Variants in MAML2 observed in about 807,000 individuals in gnomAD.
MAML2 encodes the protein mastermind like transcriptional coactivator 2.
In MAML2, 22 loss-of-function variants were observed where a neutral mutation model predicts 96.1. That is an observed-to-expected ratio of 0.23 (90% CI 0.16 to 0.33). The LOEUF (loss-of-function observed/expected upper bound fraction) is 0.33, where lower values mean the gene tolerates loss of function less well. MAML2 is among the 10% of genes least tolerant of loss of function. The pLI is 1.00. For missense variants in MAML2, 1,367 were observed against 1,392.4 expected, an observed-to-expected ratio of 0.98 and a Z score of 0.29; for synonymous variants, 561 against 521.3, an observed-to-expected ratio of 1.08 and a Z score of -1.04.
intron 1 of MAML2, among the ~76,000 whole-genome samples, chr11:96,136,524 T>C (rs982375383): frequency 6.6e-6 from 1 of 152,172 alleles, no homozygotes; most frequent in Non-Finnish European, 1.5e-5. Context: ...ACATAGTTAC[T>C]TAGAGCCTTA....
At chr11:96,111,277 C>G (rs1860119518) in intron 1 of MAML2, among the ~76,000 whole-genome samples, 1 of 151,998 alleles carries the variant, frequency 6.6e-6, no homozygotes, top group Non-Finnish European at 1.5e-5. Context: ...TGCTTTTTTC[C>G]TCCTTTTTAT....
intron 1 of MAML2, among the ~76,000 whole-genome samples, chr11:96,313,430 T>C (rs1863575392): frequency 6.6e-6 from 1 of 152,096 alleles, no homozygotes; most frequent in African/African-American, 2.4e-5. Flanking sequence ...CCTCATTGCA[T>C]TTCCCTTTTT....
chr11:96,228,972 C>CAA (rs10672512), intron 1 of MAML2, among the ~76,000 whole-genome samples: 30,102 of 148,822 alleles, frequency 0.2, 3,071 homozygotes, highest in East Asian at 0.26. Flanking sequence ...TCTAGTTGAA[C>CAA]AAAAAAAAAA....
At chr11:96,163,122 C>T (rs1350183546) in intron 1 of MAML2, among the ~76,000 whole-genome samples, 2 of 152,162 alleles carry the variant, frequency 1.3e-5, no homozygotes, top group Middle Eastern at 3.2e-3. Flanking sequence ...ACACTATAAA[C>T]GTTCCGTAGT....
At chr11:96,221,288 C>T (rs994731058) in intron 1 of MAML2, among the ~76,000 whole-genome samples, 1 of 152,102 alleles carries the variant, frequency 6.6e-6, no homozygotes, top group African/African-American at 2.4e-5. Context: ...CCCAAGTTTC[C>T]ACCTATTCAC....
intron 1 of MAML2, among the ~76,000 whole-genome samples, chr11:96,270,530 C>T (rs1472824410): frequency 2.0e-5 from 3 of 152,052 alleles, no homozygotes; most frequent in Non-Finnish European, 4.4e-5. Context: ...AGGCTGGTCT[C>T]GAACTCCTGA....
chr11:96,281,361 G>A (rs1043484864), intron 1 of MAML2, among the ~76,000 whole-genome samples: 2 of 152,030 alleles, frequency 1.3e-5, no homozygotes, highest in East Asian at 1.9e-4. Flanking sequence ...TAGTGTTGCC[G>A]CTAGGGGTGA....
intron 1 of MAML2, among the ~76,000 whole-genome samples, chr11:96,153,889 A>T (rs1362241409): frequency 1.3e-5 from 2 of 151,816 alleles, no homozygotes; most frequent in East Asian, 3.9e-4. Flanking sequence ...CCAGCTCTGG[A>T]CAACAGAGCA....
At chr11:96,170,733 G>GACAC in intron 1 of MAML2, among the ~76,000 whole-genome samples, 1 of 151,790 alleles carries the variant, frequency 6.6e-6, no homozygotes, top group African/African-American at 2.4e-5. Context: ...TTTTTGTTTT[G>GACAC]AGATGGAGTC....
intron 1 of MAML2, among the ~76,000 whole-genome samples, chr11:96,178,884 G>A (rs956155398): frequency 2.0e-5 from 3 of 152,278 alleles, no homozygotes; most frequent in African/African-American, 7.2e-5. Context: ...TGGCTATTGG[G>A]GGAAGAAGAT....
intron 1 of MAML2, among the ~76,000 whole-genome samples, chr11:96,231,316 G>C (rs576848): frequency 0.93 from 141,295 of 152,256 alleles, 65,788 homozygotes; most frequent in African/African-American, 0.97. Context: ...GCGTTGTATT[G>C]ATTTCTGTAT....
intron 1 of MAML2, among the ~76,000 whole-genome samples, chr11:96,308,886 C>T (rs577749991): frequency 6.6e-6 from 1 of 152,322 alleles, no homozygotes; most frequent in South Asian, 2.1e-4. Flanking sequence ...TGAATGAATG[C>T]TTCATTTATC....
intron 1 of MAML2, among the ~76,000 whole-genome samples, chr11:96,273,793 T>C (rs188826669): frequency 4.6e-5 from 7 of 152,302 alleles, no homozygotes; most frequent in East Asian, 1.9e-4. Context: ...AGTAAGGAGA[T>C]AGCCAGCCTC....
chr11:96,265,787 G>C (rs1381962810), intron 1 of MAML2, among the ~76,000 whole-genome samples: 1 of 152,152 alleles, frequency 6.6e-6, no homozygotes, highest in African/African-American at 2.4e-5. Context: ...TTGGAGGAGC[G>C]CTCGGCCCCC....
At position 95,976,977 on chromosome 11, in the gene MAML2, T is replaced by TA; in HGVS notation, c.*1970dup. ...AAATAAGACACAAGAACTATGGGTT[T>TA]AAAAAAGAATTTGGGAGCAGGACAA... is the stretch of plus-strand genomic sequence containing the variant. On this transcript the variant is annotated 3_prime_UTR_variant, in exon 5 of 5. Transcript: ENST00000524717. 1 of 200,424 alleles carries TA rather than the reference T, an allele frequency of 5.0e-6. No individual in the cohort carries two copies. 12.4% of individuals were successfully genotyped at this position (200,424 alleles called of 1,614,324 possible).
chr11:96,135,545 C>CTTTTT (rs10665067), intron 1 of MAML2, among the ~76,000 whole-genome samples: 2,276 of 139,388 alleles, frequency 0.016, 64 homozygotes, highest in East Asian at 0.026. Flanking sequence ...CAATCCAAGG[C>CTTTTT]TTTTTTTTTT....
chr11:96,180,697 G>C (rs900443293), intron 1 of MAML2, among the ~76,000 whole-genome samples: 3 of 152,134 alleles, frequency 2.0e-5, no homozygotes, highest in Admixed American at 6.5e-5. Context: ...GAAACCAGTA[G>C]GTTTTGGGGC....
chr11:96,034,374 T>TCAGC (rs1188231820), intron 2 of MAML2, among the ~76,000 whole-genome samples: 2 of 150,116 alleles, frequency 1.3e-5, no homozygotes, highest in African/African-American at 2.5e-5. Context: ...AACAGCACAG[T>TCAGC]CAGCCAGCTA....
intron 1 of MAML2, among the ~76,000 whole-genome samples, chr11:96,217,451 A>T (rs1486165081): frequency 6.6e-6 from 1 of 152,216 alleles, no homozygotes; most frequent in African/African-American, 2.4e-5. Context: ...TCTATGAGAC[A>T]CCATATTTAG....
Sources: allele counts gnomAD v4.1 joint callset (sites outside exome capture counted in the v4.1 genomes callset), GRCh38; gene constraint gnomAD v4.1.1; transcripts MANE v1.5; gene names NCBI Gene and HGNC (gene_info 2026-07-23, HGNC 2026-07-21).